The following PCDHA7 variants were observed in gnomAD, a reference collection of about 807,000 sequenced individuals.
PCDHA7 encodes the protein protocadherin alpha 7.
In PCDHA7, 37 loss-of-function variants were observed where a neutral mutation model predicts 57.2. That is an observed-to-expected ratio of 0.65 (90% confidence interval 0.50 to 0.85). The LOEUF is 0.85. Ranked by LOEUF, PCDHA7 falls within the 40% of genes least tolerant of loss-of-function variation. The pLI, the probability that PCDHA7 is intolerant of heterozygous loss-of-function variation, is 0.00. For missense variants in PCDHA7, 1,188 were observed against 1,241.8 expected (o/e 0.96, Z 0.65); for synonymous variants, 553 against 558.8 (o/e 0.99, Z 0.15).
intron 1 of PCDHA7, among the ~76,000 whole-genome samples, chr5:140,923,645 C>T (rs939799750): frequency 1.1e-4 from 17 of 152,126 alleles, no homozygotes; most frequent in African/African-American, 4.1e-4. Context: ...AATCTTTAGC[C>T]TCCCTTATCT....
At chr5:140,892,561 A>T (rs766284976) in intron 1 of PCDHA7, among the ~76,000 whole-genome samples, 1 of 152,156 alleles carries the variant, frequency 6.6e-6, no homozygotes, top group Non-Finnish European at 1.5e-5. Context: ...GTCCTTGGAG[A>T]CTGTCAAAAG....
intron 1 of PCDHA7, among the ~76,000 whole-genome samples, chr5:140,837,513 T>C (rs1414175460): frequency 1.0e-5 from 1 of 96,810 alleles, no homozygotes. Context: ...CTGAAGCAGT[T>C]TACTTTTTTT....
intron 1 of PCDHA7, chr5:140,863,299 G>T (rs868935823): frequency 1.4e-6 from 2 of 1,462,780 alleles, no homozygotes; most frequent in Non-Finnish European, 9.3e-7. Flanking sequence ...CCTGATCATC[G>T]CCATCTGCGT....
Position 140,913,476 on chromosome 5 carries a change from T to G in PCDHA7, c.2356-65473T>G, listed in dbSNP as rs191224245. On this transcript the variant is annotated intron_variant, in intron 1 of 3. Transcript: ENST00000525929. ...TTTATTTACTTGGGTCTTCTCTCTT[T>G]TTTTCTTCATTAGTCTGTTTAAAAC... Among the ~76,000 whole-genome samples the G allele has an allele frequency of 5.9e-3, 899 of 152,286 alleles. 12 individuals carry two copies. Among genetic ancestry groups the G allele is most frequent in the African/African-American group, 0.02 (842 of 41,576 alleles).
chr5:140,877,310 C>A, intron 1 of PCDHA7: 2 of 1,613,938 alleles, frequency 1.2e-6, no homozygotes, highest in Non-Finnish European at 1.7e-6. Context: ...GAGTTGCAAC[C>A]GGCGGCGGTC....
intron 1 of PCDHA7, among the ~76,000 whole-genome samples, chr5:140,890,477 C>G (rs1255992157): frequency 6.6e-6 from 1 of 151,926 alleles, no homozygotes; most frequent in African/African-American, 2.4e-5. Context: ...ATTTTTTGTG[C>G]GTTATTTTTG....
In PCDHA7 at chr5:140,851,667, T is replaced by A. The variant is rs628871; in HGVS notation, c.2355+14929T>A. 6.8e-5 allele frequency: 62 copies of A among 912,304 alleles called. 4 individuals carry two copies. Among genetic ancestry groups the A allele is most frequent in the Non-Finnish European group, 7.9e-5 (59 of 749,702 alleles). 56.5% of individuals were successfully genotyped at this position (912,304 alleles called of 1,614,324 possible). A position where few individuals can be genotyped will look rare whatever the true frequency, so the allele number is the denominator to read the frequency against. ...TTCAAGAAGACATTCTCCTTTTAAT[T>A]GAAATTTTCTCCATTCAGTGATAAA... is the stretch of plus-strand genomic sequence containing the variant. On this transcript the variant is annotated intron_variant, in intron 1 of 3. Coordinates refer to ENST00000525929, the MANE Select transcript of PCDHA7 (RefSeq NM_018910.3).
At chr5:140,848,633 C>A in intron 1 of PCDHA7, 1 of 1,593,314 alleles carries the variant, frequency 6.3e-7, no homozygotes, top group Non-Finnish European at 8.6e-7. Flanking sequence ...CCTTCGTGGG[C>A]CGCATCGCGC....
intron 1 of PCDHA7, chr5:140,967,872 A>G: frequency 1.2e-6 from 2 of 1,614,034 alleles, no homozygotes; most frequent in Non-Finnish European, 1.7e-6. Context: ...GTGCTCACGG[A>G]CCTGTATAGC....
At chr5:140,932,794 G>A (rs945877357) in intron 1 of PCDHA7, among the ~76,000 whole-genome samples, 46 of 151,806 alleles carry the variant, frequency 3.0e-4, no homozygotes, top group African/African-American at 4.8e-5. Flanking sequence ...TAAGAGAAAA[G>A]CAATACCTTG....
rs559205841 is a variant in PCDHA7 at position 140,922,691 on chromosome 5, C to G, written c.2356-56258C>G. On this transcript the variant is annotated intron_variant, in intron 1 of 3. Coordinates refer to ENST00000525929, the MANE Select transcript of PCDHA7 (RefSeq NM_018910.3). ...GCAGTAAAAAAGTGAACAGGCTCTGCTTCCATACAGTCAAGAACAAAAAGA... is the reference window on the plus strand; with the variant it reads ...GCAGTAAAAAAGTGAACAGGCTCTGGTTCCATACAGTCAAGAACAAAAAGA... 2.0e-4 allele frequency among the ~76,000 whole-genome samples: 30 copies of G among 152,262 alleles called. No individual in the cohort carries two copies. In the South Asian group the frequency reaches 6.0e-3, roughly 31 times the overall value.
At chr5:140,841,789 C>A (rs2150322679) in intron 1 of PCDHA7, 20 of 1,613,730 alleles carry the variant, frequency 1.2e-5, no homozygotes, top group Non-Finnish European at 1.6e-5. Context: ...CGCTAGAGGG[C>A]GCGTCCGATG....
chr5:140,876,803 A>G lies in PCDHA7; in HGVS notation c.2355+40065A>G, dbSNP rs201565376. The G allele has an allele frequency of 1.6e-4, 261 of 1,614,140 alleles. 4 individuals are homozygous for G. In the East Asian group the frequency reaches 3.7e-3, roughly 23 times the overall value. On this transcript the variant is annotated intron_variant, in intron 1 of 3. Coordinates refer to ENST00000525929, the MANE Select transcript of PCDHA7 (RefSeq NM_018910.3). ...TGGGCCACGGCTAGAGTGTCCGTGG[A>G]GGTGGCCGACGTGAACGACAATGCG...
At chr5:140,977,836 T>C (rs1300356505) in intron 1 of PCDHA7, among the ~76,000 whole-genome samples, 1 of 152,236 alleles carries the variant, frequency 6.6e-6, no homozygotes, top group African/African-American at 2.4e-5. Flanking sequence ...TCTATTGATA[T>C]TACTATGGCT....
chr5:140,917,746 G>T (rs1200600528), intron 1 of PCDHA7, among the ~76,000 whole-genome samples: 2 of 152,122 alleles, frequency 1.3e-5, no homozygotes, highest in Non-Finnish European at 2.9e-5. Context: ...CTGTCCCATT[G>T]GTCTATGTGT....
At chr5:140,915,589 T>C (rs1398530314) in intron 1 of PCDHA7, among the ~76,000 whole-genome samples, 1 of 151,900 alleles carries the variant, frequency 6.6e-6, no homozygotes, top group African/African-American at 2.4e-5. Context: ...AAAGCACTTG[T>C]TCTTTTCCCT....
chr5:141,001,492 T>A (rs1190860523), intron 3 of PCDHA7, among the ~76,000 whole-genome samples: 1 of 152,236 alleles, frequency 6.6e-6, no homozygotes, highest in African/African-American at 2.4e-5. Context: ...CTGGAAATGC[T>A]AGCCCAGGTG....
intron 1 of PCDHA7, among the ~76,000 whole-genome samples, chr5:140,921,258 G>C (rs537231615): frequency 6.6e-6 from 1 of 151,824 alleles, no homozygotes; most frequent in South Asian, 2.1e-4. Flanking sequence ...AAAAGTCCTA[G>C]ACTTTTATAC....
At chr5:140,902,540 C>T (rs2069538388) in intron 1 of PCDHA7, among the ~76,000 whole-genome samples, 1 of 151,900 alleles carries the variant, frequency 6.6e-6, no homozygotes, top group South Asian at 2.1e-4. Context: ...GAGGTATGTT[C>T]CTTCTATACC....
Sources: gnomAD v4.1 joint callset for allele counts (sites outside exome capture counted in the v4.1 genomes callset) on GRCh38, gnomAD v4.1.1 for gene constraint, MANE v1.5 for transcripts, NCBI Gene and HGNC (gene_info 2026-07-23, HGNC 2026-07-21) for gene names.